TLR10: variants seen among roughly 807,000 people sequenced by gnomAD.
The protein encoded by TLR10 is toll-like receptor 10.
For synonymous variants in TLR10, 288 were observed against 338.8 expected, an observed-to-expected ratio of 0.85 and a Z score of 1.65; for missense variants, 929 against 932.9, an observed-to-expected ratio of 1.00 and a Z score of 0.05.
At chr4:38,781,550 T>C (rs59672618) in intron 1 of TLR10, among the ~76,000 whole-genome samples, 22,575 of 152,092 alleles carry the variant, frequency 0.15, 2,882 homozygotes, top group African/African-American at 0.35. Flanking sequence ...GGTGATGTAG[T>C]CTATAAATAG....
rs368861342 is a variant in TLR10 at position 38,773,248 on chromosome 4, G to A, written c.2343C>T (p.Ala781=). 3.1e-6 allele frequency: 5 copies of A among 1,609,040 alleles called. No homozygotes were observed. The African/African-American group carries it at 6.7e-5, about 22-fold the overall frequency. The change falls in exon 4 of 4, where the codon GCC becomes GCT. Residue 781 remains alanine, a synonymous_variant. Coordinates refer to ENST00000308973, the MANE Select transcript of TLR10 (RefSeq NM_030956.4). The part of the protein sequence containing the change: ...LRAAINVNVL[A]TREMYELQTF... ...TCTGCAGTTCATACATTTCTCTGGT[G>A]GCTAATACATTAACATTAATAGCAG...
In TLR10 at chr4:38,773,753, C is replaced by T; in HGVS notation, c.1838G>A (p.Cys613Tyr). 1.9e-5 allele frequency: 30 copies of T among 1,613,040 alleles called. No individual in the cohort carries two copies. The highest frequency in any genetic ancestry group is 2.5e-5 in the Non-Finnish European group (30 of 1,179,580). ...CCTAACCCTGTGCCATGTTTGTGTG[C>T]ATTGACCTAGCATCCTGAGATACCA... ...LPWYLRMLGQ[C>Y]TQTWHRVRKT... Residue 613 changes from cysteine to tyrosine, a missense_variant, in exon 4 of 4, where the codon TGC becomes TAC. Cys to Tyr is a radical substitution (Grantham distance 194). Transcript: ENST00000308973.
In TLR10 at chr4:38,775,423, G is replaced by A. The variant is rs1330477802; in HGVS notation, c.168C>T (p.Ser56=). ...TCTGGAGTTGAAAAAGGAGGTTATA[G>A]GATAAATCCAGTGTCGTTGTGGCTG... ...LTPATTTLDL[S]YNLLFQLQSS... Residue 56 remains serine, a synonymous_variant, in exon 4 of 4, where the codon TCC becomes TCT. Coordinates refer to ENST00000308973, the MANE Select transcript of TLR10 (RefSeq NM_030956.4). The A allele has an allele frequency of 1.9e-6, 3 of 1,614,128 alleles. No homozygotes were observed. In the South Asian group the frequency reaches 3.3e-5, roughly 18 times the overall value.
intron 1 of TLR10, among the ~76,000 whole-genome samples, chr4:38,777,033 T>C (rs1725098010): frequency 6.6e-6 from 1 of 152,146 alleles, no homozygotes; most frequent in Non-Finnish European, 1.5e-5. Context: ...CATGATTCAA[T>C]TACTTCCCAC....
intron 1 of TLR10, among the ~76,000 whole-genome samples, chr4:38,780,642 CT>C (rs11340782): frequency 0.21 from 31,829 of 152,052 alleles, 3,582 homozygotes; most frequent in East Asian, 0.35. Context: ...CAGGTCAAGA[CT>C]CGGGTGAAGC....
chr4:38,774,225 G>A lies in TLR10; in HGVS notation c.1366C>T (p.Gln456Ter), dbSNP rs1724868793. The change falls in exon 4 of 4, where the codon CAA (glutamine) becomes TAA (stop). Residue 456 changes from glutamine (Q) to a stop codon, truncating the protein, a stop_gained. Transcript: ENST00000308973. LOFTEE classifies it low-confidence loss of function (END_TRUNC). ...QILDLNNNQI[Q>*]TVPKETIHLM... is the part of the protein sequence containing the mutation. ...TGAATAGTCTCTTTAGGTACAGTTT[G>A]GATTTGGTTATTATTTAGGTCAAGT... The A allele has an allele frequency of 6.2e-7, 1 of 1,613,922 alleles. No individual in the cohort carries two copies. Among genetic ancestry groups the A allele is most frequent in the African/African-American group, 1.3e-5 (1 of 75,044 alleles).
chr4:38,773,592 G>A lies in TLR10; in HGVS notation c.1999C>T (p.Leu667Phe), dbSNP rs375772822. The change falls in exon 4 of 4, where the codon CTT becomes TTT. Residue 667 changes from leucine to phenylalanine, a missense_variant. Physicochemically the swap from Leu to Phe is conservative, Grantham distance 22. Coordinates refer to ENST00000308973, the MANE Select transcript of TLR10 (RefSeq NM_030956.4). ...EKEDGSILIC[L>F]YESYFDPGKS... Reference sequence around the variant, plus strand: ...CCAGGGTCAAAGTAGCTTTCATAAAGGCAAATCAAGATAGAACCATCTTCC... The same window carrying A: ...CCAGGGTCAAAGTAGCTTTCATAAAAGCAAATCAAGATAGAACCATCTTCC... 110 of 1,602,102 alleles carry A rather than the reference G, an allele frequency of 6.9e-5. No individual in the cohort carries two copies. The highest frequency in any genetic ancestry group is 8.9e-5 in the Non-Finnish European group (104 of 1,174,688).
intron 1 of TLR10, among the ~76,000 whole-genome samples, chr4:38,782,665 A>G (rs1189544782): frequency 6.6e-6 from 1 of 152,244 alleles, no homozygotes; most frequent in Non-Finnish European, 1.5e-5. Context: ...CAATCTGAAT[A>G]GAAGAGCTGA....
Position 38,772,552 on chromosome 4 carries a change from C to T in TLR10, c.*603G>A, listed in dbSNP as rs960323639. The T allele has an allele frequency of 2.6e-5, 4 of 151,724 alleles. No homozygotes were observed. The highest frequency in any genetic ancestry group is 9.7e-5 in the African/African-American group (4 of 41,292). The allele number at this position is 151,724 out of a possible 1,614,324, so 9.4% of individuals were successfully genotyped here. On this transcript the variant is annotated 3_prime_UTR_variant, in exon 4 of 4. Transcript: ENST00000308973. The stretch of plus-strand genomic sequence containing the variant: ...TTTAGTGGCATGTAATATTATATTA[C>T]ATTAATGTACTATAATTTATTGAAT...
At position 38,774,017 on chromosome 4, in the gene TLR10, C is replaced by G. The variant is rs750252365; in HGVS notation, c.1574G>C (p.Arg525Pro). The G allele has an allele frequency of 6.2e-7, 1 of 1,606,126 alleles. No individual in the cohort carries two copies. Among genetic ancestry groups the G allele is most frequent in the Non-Finnish European group, 8.5e-7 (1 of 1,175,762 alleles). The change falls in exon 4 of 4, where the codon CGG becomes CCG. Residue 525 changes from arginine to proline, a missense_variant. Coordinates refer to ENST00000308973, the MANE Select transcript of TLR10 (RefSeq NM_030956.4). ...GAAATTTTTTAATTCACAGGTACAC[C>G]GGAATGGATTTCTTCCCGCATTTAG... ...KTLNAGRNPF[R>P]CTCELKNFIQ...
chr4:38,773,686 G>T lies in TLR10; in HGVS notation c.1905C>A (p.His635Gln), dbSNP rs537690452. The change falls in exon 4 of 4, where the codon CAC becomes CAA. Residue 635 changes from histidine to glutamine, a missense_variant. His to Gln is a conservative substitution (Grantham distance 24). Coordinates refer to ENST00000308973, the MANE Select transcript of TLR10 (RefSeq NM_030956.4). The part of the protein sequence containing the change: ...QEQLKRNVRF[H>Q]AFISYSEHDS... ...CATGTTCACTGTATGAAATAAATGC[G>T]TGGAATCGGACATTTCTCTTGAGTT... 1 of 1,613,294 alleles carries T rather than the reference G, an allele frequency of 6.2e-7. No homozygotes were observed. The highest frequency in any genetic ancestry group is 8.5e-7 in the Non-Finnish European group (1 of 1,179,722).
Position 38,775,042 on chromosome 4 carries a change from A to G in TLR10, c.549T>C (p.Gly183=). Residue 183 remains glycine (G), a synonymous_variant, in exon 4 of 4, where the codon GGT becomes GGC. Transcript: ENST00000308973. The part of the protein sequence containing the change: ...GFRTLPHYEE[G]SLPILNTTKL... ...TTGTTGTGTTTAAGATGGGCAGGCT[A>G]CCTTCTTCATAATGAGGAAGAGTTC... 3.1e-6 allele frequency: 5 copies of G among 1,612,396 alleles called. No individual in the cohort carries two copies. The highest frequency in any genetic ancestry group is 4.2e-6 in the Non-Finnish European group (5 of 1,179,582).
chr4:38,776,077 C>T (rs1480386307), intron 2 of TLR10, 33 bp downstream of exon 2: 1 of 152,690 alleles, frequency 6.5e-6, no homozygotes, highest in African/African-American at 2.4e-5. Flanking sequence ...TATAGAAAGT[C>T]CCTGGAGCCA....
chr4:38,773,546 A>G lies in TLR10; in HGVS notation c.2045T>C (p.Ile682Thr). The G allele has an allele frequency of 6.2e-7, 1 of 1,610,242 alleles. No individual in the cohort carries two copies. The change falls in exon 4 of 4, where the codon ATT becomes ACT. Residue 682 changes from isoleucine to threonine, a missense_variant. Coordinates refer to ENST00000308973, the MANE Select transcript of TLR10 (RefSeq NM_030956.4). ...ATAGCTTTTCTCAATGAAGCTTACA[A>G]TATTTTCACTAATGCTTTTGCCAGG... ...FDPGKSISEN[I>T]VSFIEKSYKS...
Position 38,773,019 on chromosome 4 carries a change from T to C in TLR10, c.*136A>G. The C allele has an allele frequency of 1.2e-6, 1 of 817,632 alleles. No homozygotes were observed. The allele number at this position is 817,632 out of a possible 1,614,324, so 50.6% of individuals were successfully genotyped here. A position where few individuals can be genotyped will look rare whatever the true frequency, so the allele number is the denominator to read the frequency against. On this transcript the variant is annotated 3_prime_UTR_variant, in exon 4 of 4. Transcript: ENST00000308973. ...TTTCTATAGGATACATTCTTAGAAA[T>C]CCTTCTAGAAACTGATATGAAGGGA...
intron 1 of TLR10, among the ~76,000 whole-genome samples, chr4:38,777,407 T>A (rs1453117894): frequency 1.3e-5 from 2 of 152,124 alleles, no homozygotes; most frequent in African/African-American, 4.8e-5. Context: ...TCGGATCTTA[T>A]AAGAACTTGG....
Position 38,773,680 on chromosome 4 carries a change from A to T in TLR10, c.1911T>A (p.Phe637Leu), listed in dbSNP as rs1345037795. The T allele has an allele frequency of 6.2e-7, 1 of 1,613,138 alleles. No homozygotes were observed. The highest frequency in any genetic ancestry group is 8.5e-7 in the Non-Finnish European group (1 of 1,179,616). ...QLKRNVRFHA[F>L]ISYSEHDSLW... ...GAGAATCATGTTCACTGTATGAAAT[A>T]AATGCGTGGAATCGGACATTTCTCT... Residue 637 changes from phenylalanine to leucine, a missense_variant, in exon 4 of 4, where the codon TTT (phenylalanine) becomes TTA (leucine). By Grantham distance (22) the Phe-to-Leu change is conservative. Transcript: ENST00000308973.
At chr4:38,779,478 AAC>A (rs1296260026) in intron 1 of TLR10, among the ~76,000 whole-genome samples, 1 of 152,238 alleles carries the variant, frequency 6.6e-6, no homozygotes, top group Non-Finnish European at 1.5e-5. Flanking sequence ...ATGTAAATAT[AAC>A]ACAGGATAAT....
intron 1 of TLR10, among the ~76,000 whole-genome samples, chr4:38,779,225 T>C (rs1357448612): frequency 6.6e-6 from 1 of 152,220 alleles, no homozygotes; most frequent in Non-Finnish European, 1.5e-5. Context: ...AAATATTAAT[T>C]ATCCACATTG....
Sources: gnomAD v4.1 joint callset for allele counts (sites outside exome capture counted in the v4.1 genomes callset) on GRCh38, gnomAD v4.1.1 for gene constraint, MANE v1.5 for transcripts, NCBI Gene and HGNC (gene_info 2026-07-23, HGNC 2026-07-21) for gene names.